The following GPAT4 variants were observed in gnomAD, a reference collection of about 807,000 sequenced individuals.
The protein encoded by GPAT4 is 1-AGP acyltransferase 6.
A neutral mutation model predicts 58.0 loss-of-function variants in GPAT4; 17 were observed. The ratio of observed to expected loss-of-function variants is 0.29; its 90% CI spans 0.20 to 0.44. The LOEUF is 0.44. Among genes scored for constraint, GPAT4 ranks in the 20% least tolerant of loss-of-function variants. The probability of loss-of-function intolerance (pLI) is 1.00; values close to 1 mark genes in which losing one functional copy is unlikely to be tolerated. For synonymous variants in GPAT4, 204 were observed against 210.1 expected (o/e 0.97, Z 0.25); for missense variants, 377 against 574.5 (o/e 0.66, Z 3.51).
At chr8:41,603,220 G>A (rs1048762318) in intron 2 of GPAT4, among the ~76,000 whole-genome samples, 5 of 152,106 alleles carry the variant, frequency 3.3e-5, no homozygotes, top group Non-Finnish European at 7.4e-5. Context: ...ATCGCCTGGG[G>A]AGGCATTTTA....
intron 1 of GPAT4, among the ~76,000 whole-genome samples, chr8:41,587,567 A>G (rs1020443207): frequency 4.6e-5 from 7 of 152,206 alleles, no homozygotes; most frequent in African/African-American, 1.4e-4. Flanking sequence ...TTGGGGCTGG[A>G]CAGTTCCTCA....
chr8:41,599,918 C>T (rs1039627514), intron 2 of GPAT4, among the ~76,000 whole-genome samples: 5 of 151,646 alleles, frequency 3.3e-5, no homozygotes, highest in African/African-American at 1.2e-4. Flanking sequence ...TTGGTGATTT[C>T]ATTGTAATGT....
At chr8:41,597,277 A>G (rs946806883) in intron 1 of GPAT4, among the ~76,000 whole-genome samples, 4 of 152,166 alleles carry the variant, frequency 2.6e-5, no homozygotes, top group African/African-American at 9.7e-5. Context: ...CATTTGTTCA[A>G]TTTCTTGTAC....
At position 41,600,770 on chromosome 8, in the gene GPAT4, C is replaced by T. The variant is rs1390205504; in HGVS notation, c.165+1466C>T. Among the ~76,000 whole-genome samples the T allele has an allele frequency of 3.3e-5, 5 of 152,278 alleles. 1 individual carries two copies. The highest frequency in any genetic ancestry group is 4.1e-4 in the South Asian group (2 of 4,826). On this transcript the variant is annotated intron_variant, in intron 2 of 12. Transcript: ENST00000396987. ...AGCATTCACTCCCCATTCCTCCCTC[C>T]GCCAGCCCTGGCAACCACAGTCTGC...
At chr8:41,595,512 C>T (rs756106968) in intron 1 of GPAT4, among the ~76,000 whole-genome samples, 3 of 151,994 alleles carry the variant, frequency 2.0e-5, no homozygotes, top group Non-Finnish European at 4.4e-5. Flanking sequence ...GATAGGAAGG[C>T]TACAGGTTGT....
intron 4 of GPAT4, 156 bp downstream of exon 4, chr8:41,610,111 ATTC>A: frequency 6.9e-7 from 1 of 1,445,138 alleles, no homozygotes; most frequent in Non-Finnish European, 9.1e-7. Context: ...TACACTGGTG[ATTC>A]TCCTTTAGAG....
At chr8:41,602,696 C>T (rs1803138767) in intron 2 of GPAT4, among the ~76,000 whole-genome samples, 1 of 152,126 alleles carries the variant, frequency 6.6e-6, no homozygotes, top group Non-Finnish European at 1.5e-5. Context: ...TTATGTGTAC[C>T]TTTCTTAAAA....
At chr8:41,603,525 CAAAAAAAA>C (rs35302781) in intron 2 of GPAT4, among the ~76,000 whole-genome samples, 5 of 85,294 alleles carry the variant, frequency 5.9e-5, no homozygotes, top group African/African-American at 1.3e-4. Context: ...GACTCCGTCT[CAAAAAAAA>C]AAAAAAAAAA....
intron 1 of GPAT4, chr8:41,584,888 C>T (rs1370187072): frequency 6.6e-6 from 1 of 152,122 alleles, no homozygotes; most frequent in African/African-American, 2.4e-5. Context: ...AAGACCAAGG[C>T]CCCGAACCTG....
At chr8:41,619,615 A>G (rs1019124780) in intron 12 of GPAT4, among the ~76,000 whole-genome samples, 2 of 152,184 alleles carry the variant, frequency 1.3e-5, no homozygotes, top group African/African-American at 4.8e-5. Context: ...ATACTAGAGT[A>G]TGAGGTAGTT....
At chr8:41,587,414 A>G (rs574396905) in intron 1 of GPAT4, among the ~76,000 whole-genome samples, 65 of 152,372 alleles carry the variant, frequency 4.3e-4, no homozygotes, top group African/African-American at 1.5e-3. Flanking sequence ...TTAGATGAAT[A>G]GTATTCCATT....
At chr8:41,607,336 A>G (rs1468289590) in intron 2 of GPAT4, among the ~76,000 whole-genome samples, 3 of 152,160 alleles carry the variant, frequency 2.0e-5, no homozygotes, top group Non-Finnish European at 4.4e-5. Context: ...TTATTACTGA[A>G]CTGCCACAGA....
At chr8:41,583,895 A>G (rs1802587779) in intron 1 of GPAT4, among the ~76,000 whole-genome samples, 1 of 152,150 alleles carries the variant, frequency 6.6e-6, no homozygotes, top group Non-Finnish European at 1.5e-5. Flanking sequence ...TGCGCTTGTG[A>G]TGAAAAGGTT....
chr8:41,579,630 G>T (rs1585642223), intron 1 of GPAT4, among the ~76,000 whole-genome samples: 1 of 152,168 alleles, frequency 6.6e-6, no homozygotes, highest in Non-Finnish European at 1.5e-5. Context: ...CTAAAGTCAG[G>T]AGTTCAAGAC....
chr8:41,611,474 G>C (rs1803442021), intron 5 of GPAT4, among the ~76,000 whole-genome samples: 1 of 152,204 alleles, frequency 6.6e-6, no homozygotes, highest in Non-Finnish European at 1.5e-5. Context: ...TTTTAAAATG[G>C]TTTGAAATGT....
chr8:41,579,732 G>T (rs1802460996), intron 1 of GPAT4, among the ~76,000 whole-genome samples: 2 of 152,058 alleles, frequency 1.3e-5, no homozygotes, highest in Non-Finnish European at 2.9e-5. Flanking sequence ...CAGCTACTCG[G>T]GAGGCTGAGG....
intron 1 of GPAT4, among the ~76,000 whole-genome samples, chr8:41,596,925 C>G (rs1027853665): frequency 3.9e-5 from 6 of 152,262 alleles, no homozygotes; most frequent in Non-Finnish European, 7.4e-5. Context: ...CCAAGGGGGT[C>G]CGCATGAGAG....
rs578249326 is a variant in GPAT4, at chr8:41,609,839, G to A, written c.420G>A (p.Leu140=). Residue 140 remains leucine, a synonymous_variant, in exon 4 of 13, where the codon CTG becomes CTA. Coordinates refer to ENST00000396987, the MANE Select transcript of GPAT4 (RefSeq NM_178819.4). ...CAAAGAGATTCTCAGCAGAAGAACTGGAGTCCTGGAACCTGCTGAGCAGAA... is the reference window on the plus strand; with the variant it reads ...CAAAGAGATTCTCAGCAGAAGAACTAGAGTCCTGGAACCTGCTGAGCAGAA... The part of the protein sequence containing the change: ...EVTKRFSAEE[L]ESWNLLSRTN... 1.5e-5 allele frequency: 25 copies of A among 1,614,240 alleles called. No homozygotes were observed. In the South Asian group the frequency reaches 2.5e-4, roughly 16 times the overall value.
intron 2 of GPAT4, among the ~76,000 whole-genome samples, chr8:41,604,215 A>G (rs1563274945): frequency 6.6e-6 from 1 of 152,206 alleles, no homozygotes; most frequent in African/African-American, 2.4e-5. Flanking sequence ...CTGGATACCT[A>G]ATAGTTCATG....
Sources: allele counts gnomAD v4.1 joint callset (sites outside exome capture counted in the v4.1 genomes callset), GRCh38; gene constraint gnomAD v4.1.1; transcripts MANE v1.5; gene names NCBI Gene and HGNC (gene_info 2026-07-23, HGNC 2026-07-21).